Variants in MCF2L2 observed in about 807,000 individuals in gnomAD.
The protein encoded by MCF2L2 is MCF.2 cell line derived transforming sequence-like 2.
A neutral mutation model predicts 150.2 loss-of-function variants in MCF2L2; 102 were observed. That is an observed-to-expected ratio of 0.68 (90% CI 0.58 to 0.80). MCF2L2 has a LOEUF of 0.80. Ranked by LOEUF, MCF2L2 falls within the 30% of genes least tolerant of loss-of-function variation. The probability of loss-of-function intolerance (pLI) is 0.00; values close to 1 mark genes in which losing one functional copy is unlikely to be tolerated. For synonymous variants in MCF2L2, 465 were observed against 491.3 expected (o/e 0.95, Z 0.71); for missense variants, 1,256 against 1,372.8 (o/e 0.91, Z 1.34).
intron 18 of MCF2L2, chr3:183,224,734 A>G (rs1221429693): frequency 6.6e-6 from 1 of 152,592 alleles, no homozygotes; most frequent in East Asian, 1.9e-4. Flanking sequence ...CATTTGGGCA[A>G]CCCTCAAAGT....
At chr3:183,269,701 A>C (rs1306579189) in intron 15 of MCF2L2, 9 of 1,096,466 alleles carry the variant, frequency 8.2e-6, no homozygotes, top group Admixed American at 4.9e-5. Context: ...ACATGTATTA[A>C]GATGGACACC....
At chr3:183,344,463 G>A (rs189001350) in intron 3 of MCF2L2, among the ~76,000 whole-genome samples, 48 of 152,134 alleles carry the variant, frequency 3.2e-4, no homozygotes, top group Middle Eastern at 3.4e-3. Context: ...AAATAGCCAC[G>A]GCAAAAACAT....
At chr3:183,304,103 A>G (rs868348387) in intron 10 of MCF2L2, among the ~76,000 whole-genome samples, 1 of 152,314 alleles carries the variant, frequency 6.6e-6, no homozygotes. Flanking sequence ...GATCTAAATC[A>G]TATTTCAGAC....
At chr3:183,256,163 T>C (rs528478702) in intron 15 of MCF2L2, among the ~76,000 whole-genome samples, 1 of 152,362 alleles carries the variant, frequency 6.6e-6, no homozygotes, top group Non-Finnish European at 1.5e-5. Context: ...TTCTGAAATA[T>C]TTCCATAGCC....
At chr3:183,339,732 G>T (rs1730625282) in intron 4 of MCF2L2, among the ~76,000 whole-genome samples, 1 of 152,118 alleles carries the variant, frequency 6.6e-6, no homozygotes. Context: ...CATTCTTCCA[G>T]TGGTTCCCCC....
At chr3:183,389,614 T>G in intron 2 of MCF2L2, 82 bp downstream of exon 2, 1 of 1,180,704 alleles carries the variant, frequency 8.5e-7, no homozygotes, top group Non-Finnish European at 1.3e-6. Context: ...GAGTATAACA[T>G]TCCTCAAGGT....
chr3:183,220,324 TAG>T (rs1310299108), intron 20 of MCF2L2, among the ~76,000 whole-genome samples: 2 of 152,196 alleles, frequency 1.3e-5, no homozygotes, highest in Non-Finnish European at 2.9e-5. Context: ...TTGATTGTGG[TAG>T]AGTGTTATAT....
At chr3:183,333,410 A>G (rs73053375) in intron 5 of MCF2L2, among the ~76,000 whole-genome samples, 4,721 of 152,236 alleles carry the variant, frequency 0.031, 266 homozygotes, top group African/African-American at 0.11. Flanking sequence ...ATATTTATAG[A>G]TAGTAATAAA....
chr3:183,364,044 G>A (rs1171353641), intron 3 of MCF2L2, among the ~76,000 whole-genome samples: 1 of 152,142 alleles, frequency 6.6e-6, no homozygotes, highest in Non-Finnish European at 1.5e-5. Flanking sequence ...TTTCTAAAAT[G>A]TAATGACAAA....
intron 4 of MCF2L2, among the ~76,000 whole-genome samples, chr3:183,340,733 A>C (rs936415248): frequency 6.6e-6 from 1 of 152,114 alleles, no homozygotes; most frequent in African/African-American, 2.4e-5. Flanking sequence ...ACTTGAGGTC[A>C]GGAGTTCGAG....
chr3:183,233,855 A>T (rs1462491707), intron 15 of MCF2L2, among the ~76,000 whole-genome samples: 1 of 152,240 alleles, frequency 6.6e-6, no homozygotes, highest in Non-Finnish European at 1.5e-5. Flanking sequence ...TATTTGATAG[A>T]TATAAATAAA....
intron 5 of MCF2L2, among the ~76,000 whole-genome samples, chr3:183,326,705 A>G (rs1215652721): frequency 6.7e-5 from 1 of 14,990 alleles, no homozygotes; most frequent in East Asian, 0.012. Context: ...TGATATGCTT[A>G]TAATGTGTGT....
chr3:183,328,308 T>C (rs1026493313), intron 5 of MCF2L2, among the ~76,000 whole-genome samples: 1 of 152,136 alleles, frequency 6.6e-6, no homozygotes, highest in African/African-American at 2.4e-5. Flanking sequence ...TAGCAAATTA[T>C]AGAACCCAAG....
intron 26 of MCF2L2, 55 bp from the exon 27 acceptor site, chr3:183,193,151 C>T: frequency 2.1e-6 from 3 of 1,435,890 alleles, no homozygotes; most frequent in Non-Finnish European, 2.9e-6. Context: ...CACACGCATC[C>T]CTCCCCCACC....
intron 1 of MCF2L2, among the ~76,000 whole-genome samples, chr3:183,390,461 A>G (rs1171707023): frequency 6.6e-6 from 1 of 152,236 alleles, no homozygotes; most frequent in Non-Finnish European, 1.5e-5. Context: ...TAACCCTAGA[A>G]AGTGACTTAT....
intron 15 of MCF2L2, among the ~76,000 whole-genome samples, chr3:183,256,854 G>A (rs1034191846): frequency 1.1e-4 from 14 of 131,908 alleles, no homozygotes; most frequent in Middle Eastern, 3.4e-3. Context: ...ACGGAAGACC[G>A]TTATTCCATT....
chr3:183,301,196 C>G (rs1481145878), intron 10 of MCF2L2, among the ~76,000 whole-genome samples: 3 of 152,090 alleles, frequency 2.0e-5, no homozygotes, highest in African/African-American at 7.2e-5. Context: ...TTCATTCATC[C>G]TTCTCATATT....
In MCF2L2 at chr3:183,283,931, G is replaced by A. The variant is rs928868089; in HGVS notation, c.1776+5189C>T. On this transcript the variant is annotated intron_variant, in intron 14 of 29. Coordinates refer to ENST00000328913, the MANE Select transcript of MCF2L2 (RefSeq NM_015078.4). The surrounding 1 kb of genome is among the most constrained non-coding windows in gnomAD (Gnocchi z 4.2). ...CACATTATATATTCCTTTTACTGTAGAAACGTCATTCTGCTTTATATTATA... is the reference window on the plus strand; with the variant it reads ...CACATTATATATTCCTTTTACTGTAAAAACGTCATTCTGCTTTATATTATA... Among the ~76,000 whole-genome samples the A allele has an allele frequency of 4.5e-4, 69 of 152,160 alleles. 3 individuals carry two copies.
chr3:183,222,675 T>C (rs1723191027), intron 20 of MCF2L2, among the ~76,000 whole-genome samples: 1 of 152,200 alleles, frequency 6.6e-6, no homozygotes, highest in Admixed American at 6.5e-5. Context: ...AAGAGCTACC[T>C]AAATGCCTTA....
Sources: allele counts gnomAD v4.1 joint callset (sites outside exome capture counted in the v4.1 genomes callset), GRCh38; gene constraint gnomAD v4.1.1; non-coding constraint Gnocchi (gnomAD v3.1); transcripts MANE v1.5; gene names NCBI Gene and HGNC (gene_info 2026-07-23, HGNC 2026-07-21).